Variants in RSRC1 observed in about 807,000 individuals in gnomAD.
The protein encoded by RSRC1 is arginine and serine rich coiled-coil 1, also known as serine/Arginine-related protein 53.
Under a neutral mutation model 49.1 loss-of-function variants are expected in RSRC1, and 39 were observed. The observed-to-expected ratio is 0.79, with a 90% CI of 0.61 to 1.04. The LOEUF (loss-of-function observed/expected upper bound fraction) is 1.04. Ranked by LOEUF, RSRC1 falls within the 50% of genes least tolerant of loss-of-function variation. RSRC1 has a pLI of 0.00. For missense variants in RSRC1, 388 were observed against 402.4 expected, an observed-to-expected ratio of 0.96 and a Z score of 0.31; for synonymous variants, 143 against 130.8, an observed-to-expected ratio of 1.09 and a Z score of -0.63.
intron 6 of RSRC1, among the ~76,000 whole-genome samples, chr3:158,359,278 T>A (rs563761944): frequency 1.3e-3 from 203 of 152,314 alleles, no homozygotes; most frequent in African/African-American, 4.6e-3. Flanking sequence ...CTCTTTACCA[T>A]AATTTCTTTA....
intron 6 of RSRC1, among the ~76,000 whole-genome samples, chr3:158,388,622 T>A (rs200008658): frequency 0.43 from 64,731 of 150,858 alleles, 14,825 homozygotes; most frequent in South Asian, 0.6. Flanking sequence ...GTTTTTTTTT[T>A]TTTTTTGAGA....
chr3:158,523,973 T>C (rs1251663931), intron 7 of RSRC1, among the ~76,000 whole-genome samples: 1 of 152,102 alleles, frequency 6.6e-6, no homozygotes, highest in Non-Finnish European at 1.5e-5. Context: ...ACCAGTCTGC[T>C]TTTGATTAGA....
intron 6 of RSRC1, among the ~76,000 whole-genome samples, chr3:158,447,988 A>C (rs558166090): frequency 6.6e-6 from 1 of 152,008 alleles, no homozygotes; most frequent in East Asian, 1.9e-4. Flanking sequence ...TACTGAAGAA[A>C]ATAAGCATTA....
chr3:158,175,310 G>C (rs964364173), intron 3 of RSRC1, among the ~76,000 whole-genome samples: 3 of 151,898 alleles, frequency 2.0e-5, no homozygotes, highest in Non-Finnish European at 1.5e-5. Context: ...TAATGCATAA[G>C]ACTTCTTAAT....
chr3:158,369,233 T>G lies in RSRC1; in HGVS notation c.583+14325T>G, dbSNP rs374892896. Among the ~76,000 whole-genome samples the G allele has an allele frequency of 6.4e-4, 98 of 152,250 alleles. No homozygotes were observed. The South Asian group carries it at 0.019, about 30-fold the overall frequency. Reference sequence around the variant, plus strand: ...AGAAAATTATAATTGAGTTTTCATTTTCTCATTTTATTTAATCTTTTTTTA... The same window carrying G: ...AGAAAATTATAATTGAGTTTTCATTGTCTCATTTTATTTAATCTTTTTTTA... On this transcript the variant is annotated intron_variant, in intron 6 of 9. Transcript: ENST00000611884.
chr3:158,456,002 A>G (rs1578502060), intron 6 of RSRC1, among the ~76,000 whole-genome samples: 1 of 147,932 alleles, frequency 6.8e-6, no homozygotes, highest in African/African-American at 2.5e-5. Flanking sequence ...AAAAAAAAAA[A>G]AAAAAAAAAA....
At chr3:158,349,925 C>T (rs976486140) in intron 5 of RSRC1, among the ~76,000 whole-genome samples, 3 of 151,158 alleles carry the variant, frequency 2.0e-5, no homozygotes, top group Non-Finnish European at 4.4e-5. Context: ...TTGGAACTCC[C>T]GACCTTGGGT....
rs541895843 is a variant in RSRC1, at chr3:158,440,148, C to T, written c.584-20787C>T. Reference sequence around the variant, plus strand: ...TAAAATAAAATTTTTTAAAAAGGCACATAATTGTGAAAGAGTGTGGTATAT... The same window carrying T: ...TAAAATAAAATTTTTTAAAAAGGCATATAATTGTGAAAGAGTGTGGTATAT... On this transcript the variant is annotated intron_variant, in intron 6 of 9. Coordinates refer to ENST00000611884, the MANE Select transcript of RSRC1 (RefSeq NM_001271838.2). 2.0e-5 allele frequency among the ~76,000 whole-genome samples: 3 copies of T among 151,318 alleles called. No homozygotes were observed. In the South Asian group the frequency reaches 6.4e-4, roughly 32 times the overall value.
At chr3:158,378,286 A>C (rs1420780690) in intron 6 of RSRC1, among the ~76,000 whole-genome samples, 1 of 152,158 alleles carries the variant, frequency 6.6e-6, no homozygotes, top group African/African-American at 2.4e-5. Flanking sequence ...TGGGACCTTA[A>C]AAATAGCCAT....
intron 5 of RSRC1, among the ~76,000 whole-genome samples, chr3:158,344,847 T>C (rs1468065428): frequency 1.3e-5 from 2 of 152,130 alleles, no homozygotes; most frequent in Non-Finnish European, 2.9e-5. Flanking sequence ...ATTGTAAGTT[T>C]TTGGTAGTAT....
At chr3:158,327,352 G>T (rs9856753) in intron 5 of RSRC1, among the ~76,000 whole-genome samples, 91,189 of 151,450 alleles carry the variant, frequency 0.6, 27,702 homozygotes, top group East Asian at 0.74. Context: ...CTTTCCTGCT[G>T]TCTCTTGTGG....
At chr3:158,328,752 T>G (rs1729350513) in intron 5 of RSRC1, among the ~76,000 whole-genome samples, 1 of 152,284 alleles carries the variant, frequency 6.6e-6, no homozygotes. Flanking sequence ...TTTGTGGCGC[T>G]CTCTGTATTT....
intron 3 of RSRC1, among the ~76,000 whole-genome samples, chr3:158,155,264 C>G (rs1425070762): frequency 6.6e-6 from 1 of 152,088 alleles, no homozygotes; most frequent in Non-Finnish European, 1.5e-5. Flanking sequence ...GCAGCTATAG[C>G]CTTACAAAAT....
At chr3:158,434,387 G>GA (rs10708678) in intron 6 of RSRC1, among the ~76,000 whole-genome samples, 3 of 151,410 alleles carry the variant, frequency 2.0e-5, no homozygotes, top group African/African-American at 4.8e-5. Context: ...AATATCCAGT[G>GA]AAAAAAAATG....
intron 7 of RSRC1, among the ~76,000 whole-genome samples, chr3:158,529,839 G>A (rs1423781879): frequency 6.6e-6 from 1 of 151,944 alleles, no homozygotes; most frequent in Non-Finnish European, 1.5e-5. Context: ...GAAGTGACAA[G>A]ATCTCCCATC....
chr3:158,113,837 T>C (rs923159457), intron 1 of RSRC1, among the ~76,000 whole-genome samples: 2 of 152,210 alleles, frequency 1.3e-5, no homozygotes, highest in African/African-American at 4.8e-5. Context: ...TTGCCCATTT[T>C]TTAATGGGAT....
intron 7 of RSRC1, among the ~76,000 whole-genome samples, chr3:158,472,111 A>G (rs544879665): frequency 6.6e-6 from 1 of 152,232 alleles, no homozygotes; most frequent in African/African-American, 2.4e-5. Context: ...AATTATACCC[A>G]GCCCTTGTTC....
intron 7 of RSRC1, among the ~76,000 whole-genome samples, chr3:158,488,257 A>G (rs1003194453): frequency 1.3e-5 from 2 of 152,144 alleles, no homozygotes; most frequent in African/African-American, 4.8e-5. Flanking sequence ...GAACTCTTTT[A>G]ATAAGTATAA....
intron 6 of RSRC1, among the ~76,000 whole-genome samples, chr3:158,450,295 G>A (rs1736952140): frequency 6.7e-6 from 1 of 149,248 alleles, no homozygotes; most frequent in South Asian, 2.1e-4. Context: ...TATTTTTGGA[G>A]CATTTGCTGA....
Sources: allele counts gnomAD v4.1 joint callset (sites outside exome capture counted in the v4.1 genomes callset), GRCh38; gene constraint gnomAD v4.1.1; transcripts MANE v1.5; gene names NCBI Gene and HGNC (gene_info 2026-07-23, HGNC 2026-07-21).